NFX1: variants seen among roughly 807,000 people sequenced by gnomAD.
NFX1 encodes transcriptional repressor NF-X1.
NFX1 carries 69 observed loss-of-function variants against 137.2 expected under a neutral mutation model. The ratio of observed to expected loss-of-function variants is 0.50; its 90% CI spans 0.41 to 0.61. NFX1 has a LOEUF of 0.61. Among genes scored for constraint, NFX1 ranks in the 20% least tolerant of loss-of-function variants. The probability of loss-of-function intolerance (pLI) is 0.00; values close to 1 mark genes in which losing one functional copy is unlikely to be tolerated. For synonymous variants in NFX1, 495 were observed against 474.1 expected, an observed-to-expected ratio of 1.04 and a Z score of -0.57; for missense variants, 1,167 against 1,391.0, an observed-to-expected ratio of 0.84 and a Z score of 2.56.
At chr9:33,365,925 G>A (rs1824155130) in intron 21 of NFX1, 1 of 152,214 alleles carries the variant, frequency 6.6e-6, no homozygotes, top group African/African-American at 2.4e-5. Context: ...ATGTCACGGA[G>A]GTAGCTTTAA....
chr9:33,333,671 C>A (rs1385190358), intron 11 of NFX1, among the ~76,000 whole-genome samples: 2 of 152,170 alleles, frequency 1.3e-5, no homozygotes, highest in Non-Finnish European at 2.9e-5. Flanking sequence ...TACACAACAT[C>A]CACCCCTGGA....
intron 12 of NFX1, among the ~76,000 whole-genome samples, chr9:33,340,316 C>T (rs1823172798): frequency 6.6e-6 from 1 of 152,244 alleles, no homozygotes; most frequent in Non-Finnish European, 1.5e-5. Context: ...GGTTTGGTGC[C>T]TGCACTCTGA....
chr9:33,364,830 A>G, intron 21 of NFX1, 56 bp downstream of exon 21: 1 of 1,598,468 alleles, frequency 6.3e-7, no homozygotes, highest in Non-Finnish European at 8.5e-7. Context: ...GATGAAAAAA[A>G]AAAAGCAATC....
intron 14 of NFX1, among the ~76,000 whole-genome samples, chr9:33,345,922 C>T (rs1823404477): frequency 6.6e-6 from 1 of 152,104 alleles, no homozygotes; most frequent in Non-Finnish European, 1.5e-5. Context: ...CATACCGGGC[C>T]CATCATTTCA....
At chr9:33,292,206 A>C (rs184631338) in intron 1 of NFX1, among the ~76,000 whole-genome samples, 1 of 152,352 alleles carries the variant, frequency 6.6e-6, no homozygotes, top group Admixed American at 6.5e-5. Flanking sequence ...CTAATGAGGC[A>C]AAATCTTCTA....
intron 23 of NFX1, among the ~76,000 whole-genome samples, chr9:33,369,668 G>T (rs1226347282): frequency 6.6e-6 from 1 of 152,102 alleles, no homozygotes; most frequent in African/African-American, 2.4e-5. Context: ...AGTGTAAATA[G>T]AGAATTTGTT....
rs371955568 is a variant in NFX1 at position 33,366,736 on chromosome 9, C to T, written c.3147C>T (p.Asp1049=). ...ATGGCCTGGAGAGCGTGAGCTATGA[C>T]AGTGAACCGAAGCGCAATGTGGTGG... The part of the protein sequence containing the change: ...QVYGLESVSY[D]SEPKRNVVVT... Residue 1049 remains aspartate, a synonymous_variant, in exon 22 of 24, where the codon GAC becomes GAT. Transcript: ENST00000379540. 17 of 1,614,082 alleles carry T rather than the reference C, an allele frequency of 1.1e-5. No homozygotes were observed. The African/African-American group carries it at 2.0e-4, about 19-fold the overall frequency.
intron 17 of NFX1, among the ~76,000 whole-genome samples, chr9:33,353,642 C>T (rs1009383110): frequency 1.1e-4 from 17 of 149,604 alleles, no homozygotes; most frequent in Non-Finnish European, 1.8e-4. Context: ...TCATAGTAGC[C>T]GGGCTTCCAA....
intron 2 of NFX1, among the ~76,000 whole-genome samples, chr9:33,295,644 A>G (rs1002662209): frequency 2.0e-5 from 3 of 152,216 alleles, no homozygotes; most frequent in Non-Finnish European, 2.9e-5. Flanking sequence ...AGCAAATACA[A>G]ATAAGAATTC....
Position 33,305,812 on chromosome 9 carries a change from G to T in NFX1, c.1271-1382G>T, listed in dbSNP as rs1013451419. Among the ~76,000 whole-genome samples, 3 of 152,180 alleles carry T rather than the reference G, an allele frequency of 2.0e-5. No homozygotes were observed. In the South Asian group the frequency reaches 6.2e-4, roughly 31 times the overall value. ...ACTACAGTTTAGAAATGTTGAGCTG[G>T]AGGAGTGAGCAGAACATACAGTGAA... On this transcript the variant is annotated intron_variant, in intron 4 of 23. Transcript: ENST00000379540.
rs759896209 is a variant in NFX1, at chr9:33,366,745, G to A, written c.3156G>A (p.Pro1052=). ...GLESVSYDSE[P]KRNVVVTAIR... is the part of the protein sequence containing the mutation. ...AGAGCGTGAGCTATGACAGTGAACCGAAGCGCAATGTGGTGGTCACTGCCA... is the reference window on the plus strand; with the variant it reads ...AGAGCGTGAGCTATGACAGTGAACCAAAGCGCAATGTGGTGGTCACTGCCA... Residue 1052 remains proline, a synonymous_variant, in exon 22 of 24, where the codon CCG becomes CCA. Transcript: ENST00000379540. 1.3e-5 allele frequency: 21 copies of A among 1,614,146 alleles called. No homozygotes were observed. The highest frequency in any genetic ancestry group is 1.5e-5 in the Non-Finnish European group (18 of 1,180,030).
At chr9:33,340,476 A>G (rs1406404225) in intron 12 of NFX1, among the ~76,000 whole-genome samples, 1 of 152,212 alleles carries the variant, frequency 6.6e-6, no homozygotes, top group Non-Finnish European at 1.5e-5. Flanking sequence ...CAGGCCTGTC[A>G]TGGAAGGGGC....
intron 15 of NFX1, chr9:33,348,859 A>G: frequency 2.3e-6 from 2 of 851,696 alleles, no homozygotes; most frequent in Non-Finnish European, 2.8e-6. Context: ...ACTGTTTGCT[A>G]CATTCCAACT....
chr9:33,307,761 T>C (rs1821806111), intron 5 of NFX1, among the ~76,000 whole-genome samples: 1 of 151,666 alleles, frequency 6.6e-6, no homozygotes, highest in African/African-American at 2.4e-5. Flanking sequence ...ATTTCCAAGA[T>C]GTCAAGATGT....
At chr9:33,347,542 G>A (rs558559682) in intron 15 of NFX1, 40 of 176,128 alleles carry the variant, frequency 2.3e-4, no homozygotes, top group African/African-American at 7.9e-4. Flanking sequence ...AGATGTTGGC[G>A]TGGATGTGGT....
rs1189045202 is a variant in NFX1 at position 33,346,952 on chromosome 9, A to C, written c.2345-86A>C. Reference sequence around the variant, plus strand: ...CCCAGTTTCTGAATTTAAAAGTTTCATGCCGTATGCCACTTATATGATGTA... The same window carrying C: ...CCCAGTTTCTGAATTTAAAAGTTTCCTGCCGTATGCCACTTATATGATGTA... On this transcript the variant is annotated intron_variant, in intron 14 of 23. Coordinates refer to ENST00000379540, the MANE Select transcript of NFX1 (RefSeq NM_002504.6). 3 of 983,790 alleles carry C rather than the reference A, an allele frequency of 3.0e-6. No individual in the cohort carries two copies. In the Admixed American group the frequency reaches 7.4e-5, roughly 24 times the overall value. 60.9% of individuals were successfully genotyped at this position (983,790 alleles called of 1,614,324 possible). A position where few individuals can be genotyped will look rare whatever the true frequency, so the allele number is the denominator to read the frequency against.
At position 33,362,807 on chromosome 9, in the gene NFX1, G is replaced by A. The variant is rs145547738; in HGVS notation, c.2874-1203G>A. ...CAAGCTCTGCCTCCCGGGTTCAAGCGATTCTCCTGCCCCAGCCTCCTGAGT... is the reference window on the plus strand; with the variant it reads ...CAAGCTCTGCCTCCCGGGTTCAAGCAATTCTCCTGCCCCAGCCTCCTGAGT... On this transcript the variant is annotated intron_variant, in intron 19 of 23. Coordinates refer to ENST00000379540, the MANE Select transcript of NFX1 (RefSeq NM_002504.6). Among the ~76,000 whole-genome samples, 563 of 147,210 alleles carry A rather than the reference G, an allele frequency of 3.8e-3. 1 individual carries two copies. Among genetic ancestry groups the A allele is most frequent in the African/African-American group, 0.014 (535 of 39,432 alleles).
chr9:33,323,214 G>A (rs1394762847), intron 9 of NFX1, among the ~76,000 whole-genome samples: 2 of 152,154 alleles, frequency 1.3e-5, no homozygotes, highest in Non-Finnish European at 2.9e-5. Flanking sequence ...ATACTGTAGG[G>A]AAAATAGACT....
intron 7 of NFX1, among the ~76,000 whole-genome samples, chr9:33,317,134 A>G (rs1307496216): frequency 6.6e-6 from 1 of 152,100 alleles, no homozygotes. Context: ...AAAATTGCAT[A>G]TAGGCCGGGT....
Sources: allele counts gnomAD v4.1 joint callset (sites outside exome capture counted in the v4.1 genomes callset), GRCh38; gene constraint gnomAD v4.1.1; transcripts MANE v1.5; gene names NCBI Gene and HGNC (gene_info 2026-07-23, HGNC 2026-07-21).